Variants in FAM120A observed in about 807,000 individuals in gnomAD.
The protein encoded by FAM120A is constitutive coactivator of PPAR-gamma-like protein 1.
FAM120A carries 15 observed loss-of-function variants against 109.7 expected under a neutral mutation model. That is an observed-to-expected ratio of 0.14 (90% CI 0.09 to 0.21). The LOEUF is 0.21. Among genes scored for constraint, FAM120A ranks in the 10% least tolerant of loss-of-function variants. The pLI is 1.00. For synonymous variants in FAM120A, 493 were observed against 572.8 expected (o/e 0.86, Z 1.99); for missense variants, 899 against 1,439.3 (o/e 0.62, Z 6.07).
chr9:93,462,039 T>C (rs1416969704), intron 1 of FAM120A, among the ~76,000 whole-genome samples: 3 of 152,216 alleles, frequency 2.0e-5, no homozygotes, highest in African/African-American at 2.4e-5. Context: ...TGTCACCCTT[T>C]GATACAGCCT....
rs1861118143 is a variant in FAM120A at position 93,527,143 on chromosome 9, T to C, written c.1419-12T>C. On this transcript the variant is annotated splice_polypyrimidine_tract_variant and intron_variant, in intron 7 of 17. Transcript: ENST00000277165. ...AGTGATTGGACAGTAATCATGTTCATTTTATGTTTAGCCATATCAGCGGGA... is the reference window on the plus strand; with the variant it reads ...AGTGATTGGACAGTAATCATGTTCACTTTATGTTTAGCCATATCAGCGGGA... The C allele has an allele frequency of 6.2e-7, 1 of 1,612,696 alleles. No individual in the cohort carries two copies. Among genetic ancestry groups the C allele is most frequent in the African/African-American group, 1.3e-5 (1 of 74,902 alleles).
chr9:93,492,842 G>A (rs1859389204), intron 3 of FAM120A, among the ~76,000 whole-genome samples: 1 of 152,210 alleles, frequency 6.6e-6, no homozygotes, highest in Non-Finnish European at 1.5e-5. Flanking sequence ...TTGTAGGGCT[G>A]GGGATAGTGA....
At chr9:93,526,652 G>C (rs1163688968) in intron 7 of FAM120A, among the ~76,000 whole-genome samples, 2 of 152,070 alleles carry the variant, frequency 1.3e-5, no homozygotes, top group African/African-American at 2.4e-5. Context: ...TTTCCAGTTC[G>C]AGTCACCTCC....
At chr9:93,497,639 G>A in intron 4 of FAM120A, 40 bp downstream of exon 4, 3 of 1,580,710 alleles carry the variant, frequency 1.9e-6, no homozygotes, top group Non-Finnish European at 2.6e-6. Context: ...ACAGATTCAT[G>A]GGATATGACG....
chr9:93,465,319 C>T lies in FAM120A; in HGVS notation c.475-5822C>T, dbSNP rs117131632. ...AAGGAATTGTTTATTGGGCCTCTTA[C>T]GAATATTCTTAGTAGTTTGACTGCA... is the stretch of plus-strand genomic sequence containing the variant. On this transcript the variant is annotated intron_variant, in intron 1 of 17. Transcript: ENST00000277165. 5.1e-4 allele frequency among the ~76,000 whole-genome samples: 78 copies of T among 152,312 alleles called. 1 individual carries two copies. The East Asian group carries it at 0.01, about 20-fold the overall frequency.
intron 10 of FAM120A, among the ~76,000 whole-genome samples, chr9:93,540,211 C>T (rs764395983): frequency 6.6e-6 from 1 of 152,226 alleles, no homozygotes; most frequent in Non-Finnish European, 1.5e-5. Flanking sequence ...ACCTGGCACA[C>T]AGTAGATGTT....
Position 93,452,132 on chromosome 9 carries a change from C to T in FAM120A, c.217C>T (p.His73Tyr). 1.9e-6 allele frequency: 3 copies of T among 1,611,576 alleles called. No homozygotes were observed. Among genetic ancestry groups the T allele is most frequent in the Non-Finnish European group, 2.5e-6 (3 of 1,179,718 alleles). ...TDWVSGGQWN[H>Y]MLGYLAALAK... Reference sequence around the variant, plus strand: ...CTGGGTCAGCGGCGGCCAGTGGAACCACATGCTTGGCTACCTGGCGGCGCT... The same window carrying T: ...CTGGGTCAGCGGCGGCCAGTGGAACTACATGCTTGGCTACCTGGCGGCGCT... The change falls in exon 1 of 18, where the codon CAC becomes TAC. Residue 73 changes from histidine (H) to tyrosine (Y), a missense_variant. His to Tyr is a moderately conservative substitution (Grantham distance 83). Around this residue, in one of 11 missense-constraint regions of FAM120A, gnomAD observed 258 missense variants for 451.4 expected, o/e 0.57. Coordinates refer to ENST00000277165, the MANE Select transcript of FAM120A (RefSeq NM_014612.5). The surrounding 1 kb of genome is among the most constrained non-coding windows in gnomAD (Gnocchi z 7.0).
chr9:93,471,726 C>T (rs529572225), intron 2 of FAM120A, among the ~76,000 whole-genome samples: 1 of 152,286 alleles, frequency 6.6e-6, no homozygotes, highest in East Asian at 1.9e-4. Context: ...AAACCTTTGA[C>T]ATAAATTATG....
intron 5 of FAM120A, among the ~76,000 whole-genome samples, chr9:93,513,931 G>T (rs1006805592): frequency 7.0e-6 from 1 of 143,506 alleles, no homozygotes; most frequent in African/African-American, 2.4e-5. Context: ...ACCTATATTG[G>T]CAGTAGGCAG....
At chr9:93,547,350 G>A (rs745885220) in intron 11 of FAM120A, among the ~76,000 whole-genome samples, 1 of 152,178 alleles carries the variant, frequency 6.6e-6, no homozygotes, top group African/African-American at 2.4e-5. Flanking sequence ...TGCTGGCGCC[G>A]TCAGTGTGTG....
intron 5 of FAM120A, among the ~76,000 whole-genome samples, chr9:93,505,396 T>G (rs1401461333): frequency 1.3e-5 from 2 of 152,220 alleles, no homozygotes; most frequent in Non-Finnish European, 2.9e-5. Context: ...TTTTTCTTTT[T>G]GCTTATTCAT....
At position 93,529,092 on chromosome 9, in the gene FAM120A, G is replaced by A. The variant is rs375567100; in HGVS notation, c.1507-261G>A. 5.9e-5 allele frequency among the ~76,000 whole-genome samples: 9 copies of A among 152,310 alleles called. No individual in the cohort carries two copies. In the East Asian group the frequency reaches 9.7e-4, roughly 16 times the overall value. On this transcript the variant is annotated intron_variant, in intron 8 of 17. Transcript: ENST00000277165. ...AGGGACTGCAGGGTGACACAGAACA[G>A]CAGGGAGCAACAGGCCCGCTCTCCT... is the stretch of plus-strand genomic sequence containing the variant.
intron 1 of FAM120A, among the ~76,000 whole-genome samples, chr9:93,462,831 C>T (rs951246678): frequency 1.3e-5 from 2 of 152,188 alleles, no homozygotes; most frequent in African/African-American, 4.8e-5. Context: ...AACACAATGT[C>T]TTCAAGGTTC....
intron 3 of FAM120A, among the ~76,000 whole-genome samples, chr9:93,486,244 G>A (rs1363917341): frequency 6.6e-6 from 1 of 151,820 alleles, no homozygotes; most frequent in African/African-American, 2.4e-5. Flanking sequence ...ATAGTCCTGG[G>A]ATTACAGGCA....
intron 1 of FAM120A, among the ~76,000 whole-genome samples, chr9:93,454,413 G>A (rs919526489): frequency 2.0e-5 from 3 of 152,028 alleles, no homozygotes; most frequent in African/African-American, 7.2e-5. Flanking sequence ...ACAGTGATGT[G>A]GGGGGTTGGC....
At chr9:93,486,358 C>T (rs751198612) in intron 3 of FAM120A, among the ~76,000 whole-genome samples, 2 of 151,940 alleles carry the variant, frequency 1.3e-5, no homozygotes, top group African/African-American at 2.4e-5. Context: ...AGTTGGTAGA[C>T]ACTTGGGTTA....
At chr9:93,466,045 G>A (rs60398848) in intron 1 of FAM120A, among the ~76,000 whole-genome samples, 1 of 152,258 alleles carries the variant, frequency 6.6e-6, no homozygotes, top group South Asian at 2.1e-4. Context: ...ACTCGGCTTA[G>A]CACTGGATGA....
At chr9:93,489,618 A>G (rs769629076) in intron 3 of FAM120A, among the ~76,000 whole-genome samples, 11 of 152,198 alleles carry the variant, frequency 7.2e-5, no homozygotes, top group Non-Finnish European at 1.3e-4. Flanking sequence ...AGCAGTTTCC[A>G]TCTTTGGAGT....
intron 9 of FAM120A, chr9:93,530,801 A>G (rs767239830): frequency 6.6e-6 from 1 of 152,218 alleles, no homozygotes; most frequent in Non-Finnish European, 1.5e-5. Flanking sequence ...TTGGGAAGAC[A>G]TCTTTCAAAA....
Sources: allele counts gnomAD v4.1 joint callset (sites outside exome capture counted in the v4.1 genomes callset), GRCh38; gene constraint gnomAD v4.1.1; regional missense constraint gnomAD v4.1.1; non-coding constraint Gnocchi (gnomAD v3.1); transcripts MANE v1.5; gene names NCBI Gene and HGNC (gene_info 2026-07-23, HGNC 2026-07-21).